The following BRD9 variants were observed in gnomAD, a reference collection of about 807,000 sequenced individuals.
BRD9 encodes the protein bromodomain-containing protein 9.
A neutral mutation model predicts 68.7 loss-of-function variants in BRD9; 47 were observed. The observed-to-expected ratio is 0.68, with a 90% CI of 0.54 to 0.87. The LOEUF (loss-of-function observed/expected upper bound fraction) is 0.87, where lower values mean the gene tolerates loss of function less well. BRD9 is among the 40% of genes least tolerant of loss of function. BRD9 has a pLI of 0.00. For synonymous variants in BRD9, 313 were observed against 293.9 expected (o/e 1.06, Z -0.67); for missense variants, 670 against 748.4 (o/e 0.90, Z 1.22).
chr5:888,913 C>T (rs915633735), intron 5 of BRD9, 108 bp downstream of exon 5: 1 of 1,165,350 alleles, frequency 8.6e-7, no homozygotes. Flanking sequence ...CACAGAAACA[C>T]CTGTGAAAGC....
chr5:868,525 T>C (rs1749684212), intron 14 of BRD9: 1 of 152,240 alleles, frequency 6.6e-6, no homozygotes, highest in African/African-American at 2.4e-5. Flanking sequence ...GTGCTAGGGA[T>C]TGTTCACAGC....
chr5:889,548 C>G, intron 4 of BRD9, 39 bp downstream of exon 4: 2 of 1,604,212 alleles, frequency 1.2e-6, no homozygotes, highest in Non-Finnish European at 8.5e-7. Context: ...GACACCACAC[C>G]CCCCCAGACA....
rs1753433053 is a variant in BRD9, at chr5:891,692, T to C, written c.215A>G (p.Lys72Arg). 6.4e-7 allele frequency: 1 copy of C among 1,551,534 alleles called. No individual in the cohort carries two copies. Among genetic ancestry groups the C allele is most frequent in the African/African-American group, 1.4e-5 (1 of 73,042 alleles). The change falls in exon 2 of 16, where the codon AAG becomes AGG. Residue 72 changes from lysine (K) to arginine (R), a missense_variant. Lys to Arg is a conservative substitution (Grantham distance 26, BLOSUM62 2). This residue lies in a region of BRD9 where 161 missense variants were observed against 148.1 expected (regional missense o/e 1.09). Transcript: ENST00000467963. ...RHKEKKKKKK[K>R]KSEKEKHLDD... ...CAGATGCTTCTCCTTCTCGGACTTC[T>C]TCTTCTTCTTCTTTTTCTTTTCTTT...
intron 3 of BRD9, 69 bp from the exon 4 acceptor site, chr5:889,716 C>T (rs766092772): frequency 1.3e-6 from 2 of 1,594,282 alleles, no homozygotes; most frequent in Non-Finnish European, 1.7e-6. Flanking sequence ...GCTCCAAGTT[C>T]ACAGTATCTG....
At position 884,315 on chromosome 5, in the gene BRD9, C is replaced by G. The variant is rs113387859; in HGVS notation, c.834-245G>C. ...AGTAGACAGACTTCCTATTTTTCAA[C>G]GCAGTGCAAACTCAGTTAAAGTGCT... On this transcript the variant is annotated intron_variant, in intron 7 of 15. Coordinates refer to ENST00000467963, the MANE Select transcript of BRD9 (RefSeq NM_023924.5). 3.0e-4 allele frequency among the ~76,000 whole-genome samples: 46 copies of G among 152,244 alleles called. 2 individuals carry two copies. The highest frequency in any genetic ancestry group is 1.1e-3 in the African/African-American group (44 of 41,540).
At chr5:869,365 A>C (rs779838674) in intron 14 of BRD9, 1 of 456,286 alleles carries the variant, frequency 2.2e-6, no homozygotes, top group Non-Finnish European at 4.4e-6. Flanking sequence ...ATCCGACTTT[A>C]GTACAGCATC....
chr5:884,434 C>T (rs1388434598), intron 7 of BRD9, among the ~76,000 whole-genome samples: 1 of 152,230 alleles, frequency 6.6e-6, no homozygotes, highest in African/African-American at 2.4e-5. Flanking sequence ...CCCCTGACTA[C>T]GCAGGGTTCA....
At chr5:878,325 A>G (rs1313396684) in intron 11 of BRD9, 30 bp downstream of exon 11, 4 of 1,610,300 alleles carry the variant, frequency 2.5e-6, no homozygotes, top group Non-Finnish European at 3.4e-6. Flanking sequence ...GCTGCACAGC[A>G]GCCAAGGGCT....
Position 881,128 on chromosome 5 carries a change from T to C in BRD9, c.1021A>G (p.Thr341Ala), listed in dbSNP as rs757988228. The C allele has an allele frequency of 1.2e-6, 2 of 1,614,064 alleles. No individual in the cohort carries two copies. The highest frequency in any genetic ancestry group is 1.7e-6 in the Non-Finnish European group (2 of 1,180,032). Residue 341 changes from threonine to alanine, a missense_variant, in exon 9 of 16, where the codon ACG becomes GCG. Physicochemically the swap from Thr to Ala is moderately conservative, Grantham distance 58. Coordinates refer to ENST00000467963, the MANE Select transcript of BRD9 (RefSeq NM_023924.5). ...CCACCATCAGCGTCCGGCTCGGCCGTGTTGACCACGCTGTAGAGCAGGCTC... is the reference window on the plus strand; with the variant it reads ...CCACCATCAGCGTCCGGCTCGGCCGCGTTGACCACGCTGTAGAGCAGGCTC... Reference protein sequence around the residue: ...DGSLLYSVVNTAEPDADEEET... With the variant: ...DGSLLYSVVNAAEPDADEEET...
chr5:883,067 C>A (rs961635649), intron 8 of BRD9: 3 of 351,620 alleles, frequency 8.5e-6, no homozygotes, highest in Non-Finnish European at 1.7e-5. Flanking sequence ...AACACGTGAG[C>A]CACGCAGACC....
intron 1 of BRD9, chr5:892,263 C>T: frequency 2.1e-6 from 1 of 472,566 alleles, no homozygotes; most frequent in Non-Finnish European, 3.6e-6. Flanking sequence ...GCTGCGGGAG[C>T]AAGGGAGAGG....
chr5:886,979 T>G (rs1275182666), intron 6 of BRD9: 1 of 541,116 alleles, frequency 1.8e-6, no homozygotes, highest in Non-Finnish European at 3.3e-6. Context: ...CTACGTGGGA[T>G]GCATGCAGCC....
Position 891,730 on chromosome 5 carries a change from C to T in BRD9, c.177G>A (p.Glu59=), listed in dbSNP as rs1753439746. The T allele has an allele frequency of 1.9e-6, 3 of 1,551,552 alleles. No homozygotes were observed. In the Admixed American group the frequency reaches 5.9e-5, roughly 30 times the overall value. The part of the protein sequence containing the change: ...SSYYDDRSDH[E]RERHKEKKKK... ...TTTTCTTTTCTTTGTGCCTCTCTCG[C>T]TCATGGTCTGACCTGTCATCATAGT... Residue 59 remains glutamate (E), a synonymous_variant, in exon 2 of 16, where the codon GAG becomes GAA. Coordinates refer to ENST00000467963, the MANE Select transcript of BRD9 (RefSeq NM_023924.5).
chr5:874,409 T>A (rs1012140325), intron 12 of BRD9, among the ~76,000 whole-genome samples: 1 of 152,282 alleles, frequency 6.6e-6, no homozygotes, highest in Admixed American at 6.5e-5. Flanking sequence ...TTGCATTAGT[T>A]TTTTAAGATC....
chr5:891,647 T>G lies in BRD9; in HGVS notation c.260A>C (p.Lys87Thr), dbSNP rs1202311952. ...CCGCCGCTGCTCCTTTACCTTTCGC[T>G]TCCTTCTTTCCTCATCGTCCAGATG... ...EKHLDDEERR[K>T]RKEEKKRKRE... The change falls in exon 2 of 16, where the codon AAG becomes ACG. Residue 87 changes from lysine to threonine, a missense_variant. Transcript: ENST00000467963. 2 of 1,551,266 alleles carry G rather than the reference T, an allele frequency of 1.3e-6. No homozygotes were observed. Among genetic ancestry groups the G allele is most frequent in the Non-Finnish European group, 1.7e-6 (2 of 1,146,956 alleles).
rs1227425798 is a variant in BRD9, at chr5:864,271, G to GT, written c.*196dup. On this transcript the variant is annotated 3_prime_UTR_variant, in exon 16 of 16. Coordinates refer to ENST00000467963, the MANE Select transcript of BRD9 (RefSeq NM_023924.5). The stretch of plus-strand genomic sequence containing the variant: ...GACACGATGGCCATATGGCCTTCGC[G>GT]TATGACTCCACTCCTCAGGGTTCGT... The GT allele has an allele frequency of 1.3e-5, 6 of 474,306 alleles. No homozygotes were observed. Among genetic ancestry groups the GT allele is most frequent in the African/African-American group, 1.2e-4 (6 of 50,930 alleles). The allele number at this position is 474,306 out of a possible 1,614,324, so 29.4% of individuals were successfully genotyped here. A position where few individuals can be genotyped will look rare whatever the true frequency, so the allele number is the denominator to read the frequency against.
chr5:881,075 G>C (rs1751672982), intron 9 of BRD9, 32 bp downstream of exon 9: 6 of 1,607,140 alleles, frequency 3.7e-6, no homozygotes, highest in Non-Finnish European at 5.1e-6. Context: ...AGTGTACGGA[G>C]AGCATAAAGC....
rs1358206445 is a variant in BRD9, at chr5:884,003, C to A, written c.901G>T (p.Ala301Ser). 1.9e-6 allele frequency: 3 copies of A among 1,613,744 alleles called. No homozygotes were observed. In the African/African-American group the frequency reaches 4.0e-5, roughly 22 times the overall value. Residue 301 changes from alanine (A) to serine (S), a missense_variant, in exon 8 of 16, where the codon GCG becomes TCG. Physicochemically the swap from Ala to Ser is moderately conservative, Grantham distance 99. This residue lies in a region of BRD9 where 135 missense variants were observed against 141.2 expected (regional missense o/e 0.96). Transcript: ENST00000467963. ...TDSTAEEHVL[A>S]LVEHAADEAR... ...TCGTCAGCTGCGTGCTCCACCAGCGCCAGCACGTGCTCCTCTGCGGTACTG... is the reference window on the plus strand; with the variant it reads ...TCGTCAGCTGCGTGCTCCACCAGCGACAGCACGTGCTCCTCTGCGGTACTG...
chr5:885,505 T>C (rs1752423541), intron 7 of BRD9, among the ~76,000 whole-genome samples: 1 of 152,194 alleles, frequency 6.6e-6, no homozygotes, highest in Admixed American at 6.5e-5. Context: ...CCATCACAAT[T>C]GCCTCAAGGA....
Sources: gnomAD v4.1 joint callset for allele counts (sites outside exome capture counted in the v4.1 genomes callset) on GRCh38, gnomAD v4.1.1 for gene constraint, gnomAD v4.1.1 regional missense constraint, MANE v1.5 for transcripts, NCBI Gene and HGNC (gene_info 2026-07-23, HGNC 2026-07-21) for gene names.